KCNIP1: variants seen among roughly 807,000 people sequenced by gnomAD.
The protein encoded by KCNIP1 is potassium voltage-gated channel interacting protein 1.
Under a neutral mutation model 33.0 loss-of-function variants are expected in KCNIP1, and 18 were observed. The ratio of observed to expected loss-of-function variants is 0.55; its 90% confidence interval spans 0.38 to 0.81. KCNIP1 has a LOEUF of 0.81. Ranked by LOEUF, KCNIP1 falls within the 30% of genes least tolerant of loss-of-function variation. The pLI, the probability that KCNIP1 is intolerant of heterozygous loss-of-function variation, is 0.00. For synonymous variants in KCNIP1, 93 were observed against 98.3 expected, an observed-to-expected ratio of 0.95 and a Z score of 0.32; for missense variants, 238 against 271.6, an observed-to-expected ratio of 0.88 and a Z score of 0.87.
chr5:170,685,649 T>C (rs1366082640), intron 1 of KCNIP1, among the ~76,000 whole-genome samples: 4 of 151,830 alleles, frequency 2.6e-5, no homozygotes, highest in Admixed American at 2.6e-4. Flanking sequence ...CCACCGTGCC[T>C]GGCTAATTTT....
At chr5:170,636,807 C>T (rs1432764969) in intron 1 of KCNIP1, among the ~76,000 whole-genome samples, 1 of 152,162 alleles carries the variant, frequency 6.6e-6, no homozygotes, top group Non-Finnish European at 1.5e-5. Context: ...ATACGAAGTG[C>T]TCTACCCACA....
chr5:170,643,016 G>A (rs1326259980), intron 1 of KCNIP1, among the ~76,000 whole-genome samples: 1 of 152,226 alleles, frequency 6.6e-6, no homozygotes, highest in Non-Finnish European at 1.5e-5. Context: ...AAGGGCCTTT[G>A]CAGATGTGAT....
chr5:170,705,173 A>AC (rs1763217921), intron 1 of KCNIP1, among the ~76,000 whole-genome samples: 1 of 152,214 alleles, frequency 6.6e-6, no homozygotes, highest in African/African-American at 2.4e-5. Flanking sequence ...CCTTTCCCCA[A>AC]AAGAAGGAAA....
intron 1 of KCNIP1, among the ~76,000 whole-genome samples, chr5:170,711,473 G>A (rs1344265360): frequency 6.6e-6 from 1 of 152,326 alleles, no homozygotes; most frequent in South Asian, 2.1e-4. Flanking sequence ...GCGTAATGCT[G>A]TAACAGTGGA....
chr5:170,434,255 G>A (rs1468996732), intron 1 of KCNIP1, among the ~76,000 whole-genome samples: 1 of 152,038 alleles, frequency 6.6e-6, no homozygotes, highest in African/African-American at 2.4e-5. Flanking sequence ...CATATTAAGT[G>A]AGAATTACGC....
chr5:170,408,518 A>C (rs1361153766), intron 1 of KCNIP1, among the ~76,000 whole-genome samples: 1 of 152,206 alleles, frequency 6.6e-6, no homozygotes, highest in Non-Finnish European at 1.5e-5. Context: ...AGGAGGGGGA[A>C]AAACACCTCG....
At chr5:170,613,494 A>G (rs1759255261) in intron 1 of KCNIP1, among the ~76,000 whole-genome samples, 1 of 152,166 alleles carries the variant, frequency 6.6e-6, no homozygotes, top group African/African-American at 2.4e-5. Flanking sequence ...AGGCATGAAA[A>G]TAATAAAGTG....
chr5:170,678,166 G>T (rs1762212779), intron 1 of KCNIP1, among the ~76,000 whole-genome samples: 1 of 152,258 alleles, frequency 6.6e-6, no homozygotes, highest in Non-Finnish European at 1.5e-5. Context: ...GATGTGAGAA[G>T]AAGGCAGGTT....
At chr5:170,708,419 T>A (rs1202991777) in intron 1 of KCNIP1, among the ~76,000 whole-genome samples, 1 of 152,254 alleles carries the variant, frequency 6.6e-6, no homozygotes, top group Non-Finnish European at 1.5e-5. Flanking sequence ...CACAACATTC[T>A]GTGTTTCTAT....
intron 1 of KCNIP1, among the ~76,000 whole-genome samples, chr5:170,426,270 C>A (rs866218196): frequency 1.9e-4 from 28 of 151,300 alleles, no homozygotes; most frequent in Non-Finnish European, 2.5e-4. Flanking sequence ...CACACACACA[C>A]ACAAACACAC....
At chr5:170,379,951 CAAAAAAAA>C (rs113260730) in intron 1 of KCNIP1, among the ~76,000 whole-genome samples, 1 of 103,452 alleles carries the variant, frequency 9.7e-6, no homozygotes, top group Non-Finnish European at 2.1e-5. Context: ...GATCCCATTT[CAAAAAAAA>C]AAAAAAAGTA....
exon 1 of KCNIP1, chr5:170,353,491 A>C: frequency 3.9e-6 from 1 of 256,612 alleles, no homozygotes; most frequent in Non-Finnish European, 7.5e-6. Context: ...CCATGTAAGA[A>C]AGACAGTCAG....
At chr5:170,653,515 A>G (rs1039567203) in intron 1 of KCNIP1, among the ~76,000 whole-genome samples, 1 of 152,100 alleles carries the variant, frequency 6.6e-6, no homozygotes, top group Non-Finnish European at 1.5e-5. Flanking sequence ...TCAGGCTACA[A>G]ATGAATGTAA....
At chr5:170,564,609 C>T (rs1185664801) in intron 1 of KCNIP1, among the ~76,000 whole-genome samples, 1 of 152,188 alleles carries the variant, frequency 6.6e-6, no homozygotes, top group African/African-American at 2.4e-5. Context: ...TTTAAGAAAA[C>T]ACCTCAAATA....
chr5:170,655,030 G>A (rs1289163352), intron 1 of KCNIP1, among the ~76,000 whole-genome samples: 1 of 152,150 alleles, frequency 6.6e-6, no homozygotes, highest in African/African-American at 2.4e-5. Flanking sequence ...TCTGTAAGTT[G>A]GCTGGATAAA....
chr5:170,370,075 A>G (rs2113305522), intron 1 of KCNIP1, among the ~76,000 whole-genome samples: 1 of 152,264 alleles, frequency 6.6e-6, no homozygotes, highest in East Asian at 1.9e-4. Context: ...AAGTCAGGGT[A>G]CCCCTAGAAA....
intron 1 of KCNIP1, among the ~76,000 whole-genome samples, chr5:170,707,356 C>A (rs1763292446): frequency 6.6e-6 from 1 of 152,142 alleles, no homozygotes; most frequent in African/African-American, 2.4e-5. Flanking sequence ...CCCTAATGTA[C>A]ATGGCCTTGC....
At chr5:170,409,348 A>C (rs1218383062) in intron 1 of KCNIP1, among the ~76,000 whole-genome samples, 14 of 152,110 alleles carry the variant, frequency 9.2e-5, no homozygotes, top group Admixed American at 7.2e-4. Flanking sequence ...GGCCTCAAAA[A>C]GTTGCCCTCA....
At chr5:170,513,645 A>C (rs1755020166) in intron 1 of KCNIP1, among the ~76,000 whole-genome samples, 1 of 152,224 alleles carries the variant, frequency 6.6e-6, no homozygotes. Flanking sequence ...CATGGGCCAG[A>C]ACAGGGTGCA....
Sources: gnomAD v4.1 joint callset for allele counts (sites outside exome capture counted in the v4.1 genomes callset) on GRCh38, gnomAD v4.1.1 for gene constraint, MANE v1.5 for transcripts, NCBI Gene and HGNC (gene_info 2026-07-23, HGNC 2026-07-21) for gene names.